ATP13A5: variants seen among roughly 807,000 people sequenced by gnomAD.
The protein encoded by ATP13A5 is ATPase 13A5.
In ATP13A5, 149 loss-of-function variants were observed where a neutral mutation model predicts 150.2. The ratio of observed to expected loss-of-function variants is 0.99; its 90% CI spans 0.87 to 1.14. The LOEUF (loss-of-function observed/expected upper bound fraction) is 1.14, where lower values mean the gene tolerates loss of function less well. Ranked by LOEUF, ATP13A5 falls within the 50% of genes most tolerant of loss-of-function variation. The probability of loss-of-function intolerance (pLI) is 0.00; values close to 1 mark genes in which losing one functional copy is unlikely to be tolerated. For missense variants in ATP13A5, 1,383 were observed against 1,449.3 expected (o/e 0.95, Z 0.74); for synonymous variants, 497 against 522.2 (o/e 0.95, Z 0.66).
intron 7 of ATP13A5, among the ~76,000 whole-genome samples, chr3:193,346,306 T>C (rs1248106020): frequency 1.3e-5 from 2 of 152,118 alleles, no homozygotes; most frequent in Admixed American, 6.6e-5. Flanking sequence ...GAGTTAGGAC[T>C]CTGTGAAAAG....
intron 27 of ATP13A5, among the ~76,000 whole-genome samples, chr3:193,283,120 C>T (rs1717571425): frequency 6.6e-6 from 1 of 151,960 alleles, no homozygotes; most frequent in Non-Finnish European, 1.5e-5. Flanking sequence ...CAGACAAACA[C>T]ATATATGAAG....
intron 13 of ATP13A5, among the ~76,000 whole-genome samples, chr3:193,326,148 C>CT (rs1237802006): frequency 6.6e-6 from 1 of 152,198 alleles, no homozygotes; most frequent in Admixed American, 6.5e-5. Flanking sequence ...TCTTCTGTCA[C>CT]TGACAGCAGC....
In ATP13A5 at chr3:193,310,847, A is replaced by G. The variant is rs1718818043; in HGVS notation, c.2446-130T>C. The stretch of plus-strand genomic sequence containing the variant: ...CATTGGATGGTATGTCATTAGACCA[A>G]TACCAGGAAGGGAAATAAGGAGATT... On this transcript the variant is annotated intron_variant, in intron 20 of 29. Coordinates refer to ENST00000342358, the MANE Select transcript of ATP13A5 (RefSeq NM_198505.4). 5.2e-6 allele frequency: 3 copies of G among 580,248 alleles called. No homozygotes were observed. The South Asian group carries it at 8.2e-5, about 16-fold the overall frequency. The allele number at this position is 580,248 out of a possible 1,614,324, so 35.9% of individuals were successfully genotyped here. A position where few individuals can be genotyped will look rare whatever the true frequency, so the allele number is the denominator to read the frequency against.
At chr3:193,282,743 G>A (rs932633385) in intron 27 of ATP13A5, among the ~76,000 whole-genome samples, 20 of 152,172 alleles carry the variant, frequency 1.3e-4, no homozygotes, top group African/African-American at 4.6e-4. Context: ...TATTTGCTAA[G>A]AGACCTTAAC....
chr3:193,350,812 A>C (rs1048795000), intron 7 of ATP13A5, among the ~76,000 whole-genome samples: 3 of 152,094 alleles, frequency 2.0e-5, no homozygotes, highest in African/African-American at 7.2e-5. Context: ...TTCCCACCAT[A>C]CTCAAATAGA....
intron 9 of ATP13A5, among the ~76,000 whole-genome samples, chr3:193,336,057 T>C (rs1711846124): frequency 6.6e-6 from 1 of 152,184 alleles, no homozygotes; most frequent in African/African-American, 2.4e-5. Context: ...AAATGTTCAA[T>C]TAGCAAGATA....
At position 193,275,316 on chromosome 3, in the gene ATP13A5, T is replaced by A; in HGVS notation, c.3397-14A>T. ...AAGGATGGAATCCTGAAAAATCAGATGGGAAAACAATCAATTTATTGCGCA... is the reference window on the plus strand; with the variant it reads ...AAGGATGGAATCCTGAAAAATCAGAAGGGAAAACAATCAATTTATTGCGCA... On this transcript the variant is annotated splice_polypyrimidine_tract_variant and intron_variant, in intron 29 of 29. Coordinates refer to ENST00000342358, the MANE Select transcript of ATP13A5 (RefSeq NM_198505.4). The A allele has an allele frequency of 6.2e-7, 1 of 1,610,778 alleles. No homozygotes were observed. The highest frequency in any genetic ancestry group is 8.5e-7 in the Non-Finnish European group (1 of 1,179,380).
chr3:193,328,668 C>A (rs1308694113), intron 12 of ATP13A5, among the ~76,000 whole-genome samples: 1 of 152,052 alleles, frequency 6.6e-6, no homozygotes, highest in Admixed American at 6.6e-5. Context: ...AAAGAGAAAA[C>A]CTCTTAGCAT....
At chr3:193,305,200 T>C (rs949161526) in intron 23 of ATP13A5, among the ~76,000 whole-genome samples, 2 of 152,210 alleles carry the variant, frequency 1.3e-5, no homozygotes, top group African/African-American at 4.8e-5. Context: ...ATGAAGTATT[T>C]CCTTTCTGCT....
At chr3:193,361,783 C>T (rs529067433) in intron 5 of ATP13A5, among the ~76,000 whole-genome samples, 7 of 152,274 alleles carry the variant, frequency 4.6e-5, no homozygotes, top group South Asian at 4.1e-4. Flanking sequence ...CTGACTAGTC[C>T]GTGTCTCTGG....
intron 1 of ATP13A5, 43 bp from the exon 2 acceptor site, chr3:193,364,323 C>G: frequency 1.3e-6 from 2 of 1,586,264 alleles, no homozygotes; most frequent in Non-Finnish European, 8.6e-7. Context: ...TTCTTTTCTT[C>G]ACATAAACAT....
intron 21 of ATP13A5, among the ~76,000 whole-genome samples, chr3:193,309,125 A>G (rs968900878): frequency 1.3e-5 from 2 of 152,326 alleles, no homozygotes; most frequent in South Asian, 4.1e-4. Context: ...CCCAGAAACC[A>G]GTAGGTAGAT....
chr3:193,307,290 T>C, intron 22 of ATP13A5, 37 bp downstream of exon 22: 2 of 1,613,292 alleles, frequency 1.2e-6, no homozygotes, highest in South Asian at 2.2e-5. Context: ...GGGATATTAG[T>C]GAGTGGCTTG....
chr3:193,304,599 A>T (rs1718537495), intron 23 of ATP13A5, among the ~76,000 whole-genome samples: 1 of 152,212 alleles, frequency 6.6e-6, no homozygotes, highest in South Asian at 2.1e-4. Flanking sequence ...AACAATAGAT[A>T]AATCAGATTT....
At position 193,326,995 on chromosome 3, in the gene ATP13A5, C is replaced by G. The variant is rs1263910726; in HGVS notation, c.1523+1G>C. The G allele has an allele frequency of 1.9e-6, 3 of 1,613,824 alleles. No homozygotes were observed. The highest frequency in any genetic ancestry group is 2.5e-6 in the Non-Finnish European group (3 of 1,179,796). On this transcript the variant is annotated splice_donor_variant, in intron 13 of 29. Coordinates refer to ENST00000342358, the MANE Select transcript of ATP13A5 (RefSeq NM_198505.4). LOFTEE classifies it high-confidence loss of function. ...CTTCCATTTTCACATAAGAGGCCTACCAGTTGTCAGCAGTAGGGACAGTCC... is the reference window on the plus strand; with the variant it reads ...CTTCCATTTTCACATAAGAGGCCTAGCAGTTGTCAGCAGTAGGGACAGTCC...
At chr3:193,304,472 A>T (rs1192015583) in intron 23 of ATP13A5, among the ~76,000 whole-genome samples, 2 of 152,298 alleles carry the variant, frequency 1.3e-5, no homozygotes, top group African/African-American at 4.8e-5. Flanking sequence ...TGATGCACCA[A>T]AGGACATGCT....
At chr3:193,289,028 C>A (rs1717837190) in intron 26 of ATP13A5, among the ~76,000 whole-genome samples, 1 of 152,056 alleles carries the variant, frequency 6.6e-6, no homozygotes, top group South Asian at 2.1e-4. Flanking sequence ...TTCTATATTC[C>A]TAGTTATACT....
chr3:193,332,555 A>G (rs570370275), intron 11 of ATP13A5, among the ~76,000 whole-genome samples: 1 of 152,344 alleles, frequency 6.6e-6, no homozygotes, highest in African/African-American at 2.4e-5. Context: ...TTAGCCATAA[A>G]TACTTTTTTA....
intron 27 of ATP13A5, among the ~76,000 whole-genome samples, chr3:193,283,154 G>C (rs78000687): frequency 0.024 from 3,718 of 152,216 alleles, 129 homozygotes; most frequent in African/African-American, 0.068. Context: ...GGTATATTCA[G>C]TGGAAAAATA....
Sources: allele counts gnomAD v4.1 joint callset (sites outside exome capture counted in the v4.1 genomes callset), GRCh38; gene constraint gnomAD v4.1.1; transcripts MANE v1.5; gene names NCBI Gene and HGNC (gene_info 2026-07-23, HGNC 2026-07-21).